The following BRWD1 variants were observed in gnomAD, a reference collection of about 807,000 sequenced individuals.
The protein encoded by BRWD1 is bromodomain and WD repeat-containing protein 1.
Under a neutral mutation model 251.2 loss-of-function variants are expected in BRWD1, and 82 were observed. The ratio of observed to expected loss-of-function variants is 0.33; its 90% CI spans 0.27 to 0.39. The LOEUF is 0.39. Among genes scored for constraint, BRWD1 ranks in the 10% least tolerant of loss-of-function variants. BRWD1 has a pLI of 1.00. For missense variants in BRWD1, 2,233 were observed against 2,711.6 expected (o/e 0.82, Z 3.92); for synonymous variants, 918 against 902.8 (o/e 1.02, Z -0.30).
intron 21 of BRWD1, among the ~76,000 whole-genome samples, chr21:39,243,243 C>G (rs1005055193): frequency 2.0e-5 from 3 of 152,074 alleles, no homozygotes; most frequent in African/African-American, 4.8e-5. Context: ...ATCAAAATTA[C>G]CAGTCATAAA....
intron 22 of BRWD1, among the ~76,000 whole-genome samples, chr21:39,237,021 A>AT (rs2033834645): frequency 6.6e-6 from 1 of 152,228 alleles, no homozygotes; most frequent in African/African-American, 2.4e-5. Flanking sequence ...GAAAGGATGT[A>AT]AACCCGAAAA....
intron 27 of BRWD1, among the ~76,000 whole-genome samples, chr21:39,227,606 G>A (rs935923488): frequency 1.3e-4 from 19 of 151,972 alleles, no homozygotes; most frequent in African/African-American, 4.6e-4. Context: ...TTACATTGAG[G>A]TAATTTTAAT....
In BRWD1 at chr21:39,230,167, G is replaced by C. The variant is rs560871352; in HGVS notation, c.3001-731C>G. 2.6e-3 allele frequency among the ~76,000 whole-genome samples: 392 copies of C among 152,304 alleles called. 4 individuals are homozygous for C. Among genetic ancestry groups the C allele is most frequent in the African/African-American group, 9.3e-3 (385 of 41,556 alleles). Reference sequence around the variant, plus strand: ...CTAATACATTCAGTAAGTAATATTTGTTGAGAATCTACCATATGCTATGAC... The same window carrying C: ...CTAATACATTCAGTAAGTAATATTTCTTGAGAATCTACCATATGCTATGAC... On this transcript the variant is annotated intron_variant, in intron 25 of 40. Transcript: ENST00000342449.
chr21:39,222,691 A>C (rs2033225034), intron 29 of BRWD1, among the ~76,000 whole-genome samples: 1 of 152,208 alleles, frequency 6.6e-6, no homozygotes, highest in African/African-American at 2.4e-5. Context: ...TCCAACTAAC[A>C]CATGTAAGAC....
chr21:39,302,749 C>T (rs528463127), intron 4 of BRWD1, among the ~76,000 whole-genome samples: 64 of 92,436 alleles, frequency 6.9e-4, no homozygotes, highest in African/African-American at 2.6e-3. Flanking sequence ...AGTGAGACTC[C>T]GTCTTAAAAA....
chr21:39,246,152 A>T (rs141642418), intron 21 of BRWD1, among the ~76,000 whole-genome samples: 3 of 152,338 alleles, frequency 2.0e-5, no homozygotes, highest in African/African-American at 7.2e-5. Context: ...TACAAGTAAT[A>T]TATCTACAAG....
chr21:39,199,050 T>C lies in BRWD1; in HGVS notation c.5366A>G (p.Glu1789Gly). 2 of 1,614,204 alleles carry C rather than the reference T, an allele frequency of 1.2e-6. No individual in the cohort carries two copies. The highest frequency in any genetic ancestry group is 1.7e-6 in the Non-Finnish European group (2 of 1,180,040). Residue 1789 changes from glutamate (E) to glycine (G), a missense_variant, in exon 40 of 41, where the codon GAG becomes GGG. By Grantham distance (98) the Glu-to-Gly change is moderately conservative. Coordinates refer to ENST00000342449, the MANE Select transcript of BRWD1 (RefSeq NM_033656.4). The stretch of plus-strand genomic sequence containing the variant: ...TCTTCCTGGTTCAGAATCTGCTTCC[T>C]CTGAGATGCTCTCTGCCTTAAGTTT... ...VQKLKAESIS[E>G]EADSEPGRSG...
intron 4 of BRWD1, among the ~76,000 whole-genome samples, chr21:39,301,906 AAAG>A (rs1019681439): frequency 1.3e-5 from 2 of 151,612 alleles, no homozygotes; most frequent in African/African-American, 2.4e-5. Flanking sequence ...AAAAAAAAAA[AAAG>A]GACTATGAAT....
intron 39 of BRWD1, 140 bp downstream of exon 39, chr21:39,200,079 T>G: frequency 1.2e-6 from 1 of 867,972 alleles, no homozygotes; most frequent in Non-Finnish European, 1.7e-6. Context: ...ATGCCAAAAT[T>G]CATTTCCTTC....
At chr21:39,201,782 A>G (rs1253400890) in intron 38 of BRWD1, among the ~76,000 whole-genome samples, 1 of 152,228 alleles carries the variant, frequency 6.6e-6, no homozygotes, top group Non-Finnish European at 1.5e-5. Context: ...CAATGCTGTC[A>G]ATACTATTTA....
chr21:39,216,893 G>A (rs4818005), intron 31 of BRWD1: 103,235 of 171,280 alleles, frequency 0.6, 30,885 homozygotes, highest in Admixed American at 0.66. Context: ...CACGTATTAA[G>A]CCTAGTACCC....
chr21:39,313,664 T>TCCGCAGGAGATGAAGTAGTC, upstream of BRWD1: 1 of 430,436 alleles, frequency 2.3e-6, no homozygotes, highest in East Asian at 4.4e-5. Flanking sequence ...AGGAAGTAGT[T>TCCGCAGGAGATGAAGTAGTC]CCTCCGCGGG....
intron 31 of BRWD1, among the ~76,000 whole-genome samples, chr21:39,216,343 A>T (rs1016992155): frequency 6.6e-6 from 1 of 151,922 alleles, no homozygotes; most frequent in African/African-American, 2.4e-5. Context: ...GTTAAATAGA[A>T]ATTTAAACAT....
chr21:39,248,980 A>T (rs1249217599), intron 20 of BRWD1, among the ~76,000 whole-genome samples: 1 of 152,198 alleles, frequency 6.6e-6, no homozygotes, highest in African/African-American at 2.4e-5. Context: ...CATCAATGGT[A>T]GACTGGATAA....
intron 6 of BRWD1, 50 bp downstream of exon 6, chr21:39,296,215 G>T (rs770521224): frequency 2.1e-6 from 3 of 1,438,724 alleles, no homozygotes; most frequent in Non-Finnish European, 2.8e-6. Context: ...AGGTTGTTGA[G>T]AAATTTAAAA....
intron 37 of BRWD1, among the ~76,000 whole-genome samples, chr21:39,205,458 C>T (rs1170981608): frequency 1.3e-5 from 2 of 152,174 alleles, no homozygotes; most frequent in African/African-American, 4.8e-5. Flanking sequence ...GCCTGGGCAA[C>T]ATAGTGAAAC....
At position 39,197,089 on chromosome 21, in the gene BRWD1, A is replaced by T. The variant is rs779720023; in HGVS notation, c.5980T>A (p.Cys1994Ser). ...HCEVPSEQYACEGKPPDPDSE... is the reference protein window; with the variant it reads ...HCEVPSEQYASEGKPPDPDSE... ...TCAGGATCAGGTGGCTTGCCTTCAC[A>T]GGCATACTGTTCACTTGGTACTTCA... Residue 1994 changes from cysteine (C) to serine (S), a missense_variant, in exon 41 of 41, where the codon TGT becomes AGT. This residue lies in a region of BRWD1 where 928 missense variants were observed against 970.0 expected (regional missense o/e 0.96). Transcript: ENST00000342449. 1.9e-6 allele frequency: 3 copies of T among 1,614,142 alleles called. No homozygotes were observed. Among genetic ancestry groups the T allele is most frequent in the Non-Finnish European group, 2.5e-6 (3 of 1,179,972 alleles).
Position 39,293,999 on chromosome 21 carries a change from T to C in BRWD1, c.643A>G (p.Thr215Ala). Residue 215 changes from threonine (T) to alanine (A), a missense_variant, in exon 8 of 41, where the codon ACA becomes GCA. Physicochemically the swap from Thr to Ala is moderately conservative, Grantham distance 58. Transcript: ENST00000342449. ...GTAGATAACAAGCGGCCATTATGTG[T>C]TGACCAAATCTTTACCAAACAGTCA... ...SDDCLVKIWS[T>A]HNGRLLSTLR... 6.2e-7 allele frequency: 1 copy of C among 1,614,240 alleles called. No individual in the cohort carries two copies. The highest frequency in any genetic ancestry group is 1.1e-5 in the South Asian group (1 of 91,086).
chr21:39,238,212 T>C (rs2146571463), intron 22 of BRWD1, among the ~76,000 whole-genome samples: 1 of 152,184 alleles, frequency 6.6e-6, no homozygotes, highest in East Asian at 1.9e-4. Flanking sequence ...TACTAGTCTT[T>C]TTAAGTGCAA....
Sources: allele counts gnomAD v4.1 joint callset (sites outside exome capture counted in the v4.1 genomes callset), GRCh38; gene constraint gnomAD v4.1.1; regional missense constraint gnomAD v4.1.1; transcripts MANE v1.5; gene names NCBI Gene and HGNC (gene_info 2026-07-23, HGNC 2026-07-21).